DGKD: variants seen among roughly 807,000 people sequenced by gnomAD.
DGKD encodes the protein diacylglycerol kinase delta.
In DGKD, 68 loss-of-function variants were observed where a neutral mutation model predicts 154.4. The ratio of observed to expected loss-of-function variants is 0.44; its 90% CI spans 0.36 to 0.54. The LOEUF (loss-of-function observed/expected upper bound fraction) is 0.54. DGKD is among the 20% of genes least tolerant of loss of function. DGKD has a pLI of 0.00. For missense variants in DGKD, 1,343 were observed against 1,593.6 expected (o/e 0.84, Z 2.68); for synonymous variants, 693 against 638.0 (o/e 1.09, Z -1.30).
chr2:233,365,639 G>A (rs1234959895), intron 1 of DGKD, among the ~76,000 whole-genome samples: 2 of 152,160 alleles, frequency 1.3e-5, no homozygotes, highest in African/African-American at 4.8e-5. Context: ...CACATTTGTC[G>A]AAATTCACTA....
rs964727495 is a variant in DGKD at position 233,365,430 on chromosome 2, A to G, written c.156+10756A>G. Among the ~76,000 whole-genome samples the G allele has an allele frequency of 5.1e-4, 77 of 151,922 alleles. 1 individual carries two copies. In the East Asian group the frequency reaches 0.012, roughly 24 times the overall value. ...ATTTTTGTATTTTTAATAGAGATGG[A>G]GGGGGGGTCTCACCGTCTTGGTTAG... is the stretch of plus-strand genomic sequence containing the variant. On this transcript the variant is annotated intron_variant, in intron 1 of 29. Coordinates refer to ENST00000264057, the MANE Select transcript of DGKD (RefSeq NM_152879.3).
intron 26 of DGKD, among the ~76,000 whole-genome samples, chr2:233,463,462 A>G (rs1239549605): frequency 8.3e-5 from 9 of 108,618 alleles, no homozygotes; most frequent in Admixed American, 5.6e-4. Flanking sequence ...CACTCCACGC[A>G]TGTCCTCACT....
At chr2:233,420,330 C>T (rs1359225081) in intron 3 of DGKD, among the ~76,000 whole-genome samples, 1 of 151,956 alleles carries the variant, frequency 6.6e-6, no homozygotes, top group African/African-American at 2.4e-5. Context: ...GGCATGTTAG[C>T]ATATTTTTGT....
rs975954671 is a variant in DGKD at position 233,434,393 on chromosome 2, G to A, written c.362G>A (p.Cys121Tyr). The A allele has an allele frequency of 6.2e-7, 1 of 1,613,966 alleles. No individual in the cohort carries two copies. The highest frequency in any genetic ancestry group is 1.3e-5 in the African/African-American group (1 of 74,914). ...TTCTTTCTCTAGGTCATAACTCCATGCAGGAAGCTCATCTTGTGTGCTGAT... is the reference window on the plus strand; with the variant it reads ...TTCTTTCTCTAGGTCATAACTCCATACAGGAAGCTCATCTTGTGTGCTGAT... ...VNNSFTVITPCRKLILCADNR... is the reference protein window; with the variant it reads ...VNNSFTVITPYRKLILCADNR... The change falls in exon 4 of 30, where the codon TGC (cysteine) becomes TAC (tyrosine). Residue 121 changes from cysteine to tyrosine, a missense_variant. Coordinates refer to ENST00000264057, the MANE Select transcript of DGKD (RefSeq NM_152879.3).
rs753618661 is a variant in DGKD at position 233,469,445 on chromosome 2, C to G, written c.3630C>G (p.Pro1210=). ...TCAAGGAGCTGAGCCGCAGCGCCCCCGCCGTCGAGGCCTAGCCTCTGTCCT... is the reference window on the plus strand; with the variant it reads ...TCAAGGAGCTGAGCCGCAGCGCCCCGGCCGTCGAGGCCTAGCCTCTGTCCT... ...CGIKELSRSA[P]AVEA The change falls in exon 30 of 30, where the codon CCC becomes CCG. Residue 1210 remains proline (P), a synonymous_variant. Transcript: ENST00000264057. 1 of 1,602,828 alleles carries G rather than the reference C, an allele frequency of 6.2e-7. No individual in the cohort carries two copies. The highest frequency in any genetic ancestry group is 2.3e-5 in the East Asian group (1 of 44,356).
Position 233,441,709 on chromosome 2 carries a change from G to A in DGKD, c.1086-178G>A, listed in dbSNP as rs2062896116. 6.6e-6 allele frequency among the ~76,000 whole-genome samples: 1 copy of A among 152,160 alleles called. No homozygotes were observed. The highest frequency in any genetic ancestry group is 6.5e-5 in the Admixed American group (1 of 15,280). On this transcript the variant is annotated intron_variant, in intron 9 of 29. Coordinates refer to ENST00000264057, the MANE Select transcript of DGKD (RefSeq NM_152879.3). The surrounding 1 kb of genome is among the most constrained non-coding windows in gnomAD (Gnocchi z 5.6). The stretch of plus-strand genomic sequence containing the variant: ...ACCCCAGTGCTGCTGTCGTCCCTTT[G>A]ACAAAGTGGACCCTGAGTGGAGGCG...
intron 3 of DGKD, among the ~76,000 whole-genome samples, chr2:233,404,936 G>A (rs898541210): frequency 6.6e-6 from 1 of 152,116 alleles, no homozygotes; most frequent in African/African-American, 2.4e-5. Flanking sequence ...TGGTTTACAG[G>A]AATGGAACCA....
rs2063334879 is a variant in DGKD, at chr2:233,452,810, G to T, written c.2264+750G>T. 6.6e-6 allele frequency among the ~76,000 whole-genome samples: 1 copy of T among 152,206 alleles called. No homozygotes were observed. The highest frequency in any genetic ancestry group is 1.5e-5 in the Non-Finnish European group (1 of 68,038). On this transcript the variant is annotated intron_variant, in intron 18 of 29. Transcript: ENST00000264057. The surrounding 1 kb of genome is among the most constrained non-coding windows in gnomAD (Gnocchi z 4.0). The stretch of plus-strand genomic sequence containing the variant: ...TATGCTGGCTGATTGCAGGTTCTGG[G>T]CAGCTGGTGGCAGTTGGTTAAATGT...
chr2:233,408,518 G>A (rs2061742890), intron 3 of DGKD, among the ~76,000 whole-genome samples: 1 of 152,156 alleles, frequency 6.6e-6, no homozygotes, highest in African/African-American at 2.4e-5. Flanking sequence ...CCTGCCCCCT[G>A]GGCTCACTTC....
At chr2:233,435,733 C>T in intron 5 of DGKD, 85 bp from the exon 6 acceptor site, 1 of 1,284,472 alleles carries the variant, frequency 7.8e-7, no homozygotes, top group Non-Finnish European at 1.1e-6. Context: ...TTTTCTGGAG[C>T]TGGACGGTTC....
At position 233,379,662 on chromosome 2, in the gene DGKD, C is replaced by T. The variant is rs141302152; in HGVS notation, c.157-8595C>T. On this transcript the variant is annotated intron_variant, in intron 1 of 29. Coordinates refer to ENST00000264057, the MANE Select transcript of DGKD (RefSeq NM_152879.3). ...CCTCCCGTTGAGAGAATTGTGGCAG[C>T]AGGTTGGAGGAAGGATGGACAGAGA... 2.3e-3 allele frequency among the ~76,000 whole-genome samples: 351 copies of T among 152,188 alleles called. 2 individuals are homozygous for T. The highest frequency in any genetic ancestry group is 8.1e-3 in the African/African-American group (335 of 41,522).
chr2:233,449,932 C>T lies in DGKD; in HGVS notation c.1889-50C>T, dbSNP rs180829671. The T allele has an allele frequency of 2.0e-6, 3 of 1,527,206 alleles. No individual in the cohort carries two copies. The East Asian group carries it at 6.9e-5, about 35-fold the overall frequency. 94.6% of individuals were successfully genotyped at this position (1,527,206 alleles called of 1,614,324 possible). A position where few individuals can be genotyped will look rare whatever the true frequency, so the allele number is the denominator to read the frequency against. ...GGGCCCTCCACCCAGCCTGACAGCGCCCTTGGCTTTGCACCCGCGTGCTCA... is the reference window on the plus strand; with the variant it reads ...GGGCCCTCCACCCAGCCTGACAGCGTCCTTGGCTTTGCACCCGCGTGCTCA... On this transcript the variant is annotated intron_variant, in intron 15 of 29. Transcript: ENST00000264057. This position sits in a 1 kb window ranked among gnomAD's most constrained non-coding sequence, Gnocchi z 5.3.
In DGKD at chr2:233,458,567, C is replaced by T. The variant is rs2063529655; in HGVS notation, c.2694+170C>T. Among the ~76,000 whole-genome samples the T allele has an allele frequency of 6.6e-6, 1 of 152,082 alleles. No individual in the cohort carries two copies. The highest frequency in any genetic ancestry group is 2.1e-4 in the South Asian group (1 of 4,822). Reference sequence around the variant, plus strand: ...CCACTTCCTGGGCCAGAGCCCTTTCCTTGTGCTATGCTTGACAGTTAAATT... The same window carrying T: ...CCACTTCCTGGGCCAGAGCCCTTTCTTTGTGCTATGCTTGACAGTTAAATT... On this transcript the variant is annotated intron_variant, in intron 22 of 29. Transcript: ENST00000264057. This position sits in a 1 kb window ranked among gnomAD's most constrained non-coding sequence, Gnocchi z 6.6.
At chr2:233,419,118 G>T (rs2062036974) in intron 3 of DGKD, 2 of 583,622 alleles carry the variant, frequency 3.4e-6, no homozygotes, top group African/African-American at 2.0e-5. Flanking sequence ...GGAAGTGACA[G>T]AAATGACCCA....
At position 233,435,978 on chromosome 2, in the gene DGKD, C is replaced by A. The variant is rs151293859; in HGVS notation, c.693+54C>A. The A allele has an allele frequency of 4.0e-6, 6 of 1,502,606 alleles. No homozygotes were observed. The Admixed American group carries it at 1.0e-4, about 26-fold the overall frequency. The allele number at this position is 1,502,606 out of a possible 1,614,324, so 93.1% of individuals were successfully genotyped here. ...CCTGAGCCAGGGTCCCCCACCTGCA[C>A]GGCCCCATGCAAGCCTCCTCCCTGC... is the stretch of plus-strand genomic sequence containing the variant. On this transcript the variant is annotated intron_variant, in intron 6 of 29. Coordinates refer to ENST00000264057, the MANE Select transcript of DGKD (RefSeq NM_152879.3).
At chr2:233,426,446 G>A (rs993104804) in intron 3 of DGKD, among the ~76,000 whole-genome samples, 4 of 152,070 alleles carry the variant, frequency 2.6e-5, no homozygotes, top group African/African-American at 9.7e-5. Flanking sequence ...TGCAGCCCCC[G>A]GAATCCCTCC....
chr2:233,459,514 C>T lies in DGKD; in HGVS notation c.2695-243C>T, dbSNP rs571015573. On this transcript the variant is annotated intron_variant, in intron 22 of 29. Coordinates refer to ENST00000264057, the MANE Select transcript of DGKD (RefSeq NM_152879.3). The surrounding 1 kb of genome is among the most constrained non-coding windows in gnomAD (Gnocchi z 5.7). ...TGTCTCAGCACCAAGGTCTCCTGCA[C>T]TGACTGCTCAGTGAGGGGATGGGGC... Among the ~76,000 whole-genome samples, 2 of 145,050 alleles carry T rather than the reference C, an allele frequency of 1.4e-5. No homozygotes were observed. The highest frequency in any genetic ancestry group is 4.8e-4 in the South Asian group (2 of 4,176).
intron 18 of DGKD, chr2:233,454,467 G>T (rs1403451715): frequency 2.1e-6 from 1 of 487,510 alleles, no homozygotes; most frequent in Non-Finnish European, 4.2e-6. Context: ...CAGGGATGGT[G>T]AGGATGGAGA....
At position 233,449,609 on chromosome 2, in the gene DGKD, C is replaced by G. The variant is rs1422089543; in HGVS notation, c.1888+233C>G. Among the ~76,000 whole-genome samples the G allele has an allele frequency of 2.0e-5, 3 of 152,160 alleles. No homozygotes were observed. The highest frequency in any genetic ancestry group is 7.2e-5 in the African/African-American group (3 of 41,442). ...CCTCCCCTCGACCTCTTTCCTGGCC[C>G]TCATTGACTTCACTATAAGCGTCTC... On this transcript the variant is annotated intron_variant, in intron 15 of 29. Coordinates refer to ENST00000264057, the MANE Select transcript of DGKD (RefSeq NM_152879.3). This position sits in a 1 kb window ranked among gnomAD's most constrained non-coding sequence, Gnocchi z 5.3.
Sources: gnomAD v4.1 joint callset for allele counts (sites outside exome capture counted in the v4.1 genomes callset) on GRCh38, gnomAD v4.1.1 for gene constraint, Gnocchi (gnomAD v3.1) non-coding constraint, MANE v1.5 for transcripts, NCBI Gene and HGNC (gene_info 2026-07-23, HGNC 2026-07-21) for gene names.